The following CTNNA2 variants were observed in gnomAD, a reference collection of about 807,000 sequenced individuals.
The protein encoded by CTNNA2 is catenin alpha-2.
CTNNA2 carries 42 observed loss-of-function variants against 101.0 expected under a neutral mutation model. That is an observed-to-expected ratio of 0.42 (90% CI 0.32 to 0.54). CTNNA2 has a LOEUF of 0.54. Ranked by LOEUF, CTNNA2 falls within the 20% of genes least tolerant of loss-of-function variation. CTNNA2 has a pLI of 0.14. For synonymous variants in CTNNA2, 450 were observed against 456.4 expected, an observed-to-expected ratio of 0.99 and a Z score of 0.18; for missense variants, 871 against 1,223.1, an observed-to-expected ratio of 0.71 and a Z score of 4.29.
At chr2:80,185,304 C>T (rs991215231) in intron 7 of CTNNA2, among the ~76,000 whole-genome samples, 20 of 152,148 alleles carry the variant, frequency 1.3e-4, no homozygotes, top group African/African-American at 4.8e-4. Context: ...TCAGACTGAG[C>T]GAGTCAGAGG....
At chr2:79,394,040 G>GCA (rs1678202775) in intron 4 of CTNNA2, among the ~76,000 whole-genome samples, 1 of 152,004 alleles carries the variant, frequency 6.6e-6, no homozygotes, top group Non-Finnish European at 1.5e-5. Context: ...CTAGATACAG[G>GCA]CACACAGCTT....
At chr2:79,268,105 T>C (rs757510938) in intron 2 of CTNNA2, among the ~76,000 whole-genome samples, 3 of 152,124 alleles carry the variant, frequency 2.0e-5, no homozygotes, top group Non-Finnish European at 4.4e-5. Flanking sequence ...GGCTGTCCCC[T>C]GTAGGCAGGG....
intron 7 of CTNNA2, among the ~76,000 whole-genome samples, chr2:80,293,713 CG>C: frequency 6.6e-6 from 1 of 152,250 alleles, no homozygotes; most frequent in African/African-American, 2.4e-5. Flanking sequence ...ACCACTCCAC[CG>C]ATCAGTGTCC....
rs148250049 is a variant in CTNNA2, at chr2:80,261,507, T to A, written c.1057-131704T>A. Among the ~76,000 whole-genome samples the A allele has an allele frequency of 1.4e-3, 213 of 152,256 alleles. 1 individual carries two copies. Among genetic ancestry groups the A allele is most frequent in the African/African-American group, 4.9e-3 (202 of 41,554 alleles). On this transcript the variant is annotated intron_variant, in intron 7 of 18. Coordinates refer to ENST00000402739, the MANE Select transcript of CTNNA2 (RefSeq NM_001282597.3). ...GTTTGTAGCTATCTTGAGCTATTTC[T>A]ATGTAATAGGAGAGGCGGGTTTCAC...
intron 7 of CTNNA2, among the ~76,000 whole-genome samples, chr2:80,287,944 GA>G (rs1272424846): frequency 3.3e-5 from 5 of 152,134 alleles, no homozygotes; most frequent in Non-Finnish European, 5.9e-5. Context: ...TCTTATTTGC[GA>G]ATACAGATAT....
At chr2:80,118,795 C>T (rs1327425905) in intron 7 of CTNNA2, among the ~76,000 whole-genome samples, 1 of 152,194 alleles carries the variant, frequency 6.6e-6, no homozygotes, top group African/African-American at 2.4e-5. Flanking sequence ...GGCAGAAAGG[C>T]CTGTAGGGGC....
At chr2:79,599,621 T>C (rs186303939) in intron 1 of CTNNA2, among the ~76,000 whole-genome samples, 1 of 152,278 alleles carries the variant, frequency 6.6e-6, no homozygotes, top group Admixed American at 6.5e-5. Context: ...TTAATAAAAT[T>C]GGAGTAGTAT....
At chr2:79,236,847 T>C (rs1423878084) in intron 2 of CTNNA2, among the ~76,000 whole-genome samples, 1 of 152,218 alleles carries the variant, frequency 6.6e-6, no homozygotes, top group African/African-American at 2.4e-5. Flanking sequence ...CAGGCTCCAT[T>C]TTTAATTATA....
At chr2:80,331,025 T>G (rs966354686) in intron 7 of CTNNA2, among the ~76,000 whole-genome samples, 67 of 141,742 alleles carry the variant, frequency 4.7e-4, no homozygotes, top group East Asian at 1.4e-3. Flanking sequence ...CTGTATGTTT[T>G]TTTTTTTTTT....
At chr2:79,524,534 AACACACACACACATAC>A (rs1672293875) in intron 1 of CTNNA2, 1 of 150,692 alleles carries the variant, frequency 6.6e-6, no homozygotes, top group Non-Finnish European at 1.5e-5. Context: ...AATACACACA[AACACACACACACATAC>A]ACACACACAC....
intron 8 of CTNNA2, among the ~76,000 whole-genome samples, chr2:80,414,726 A>G (rs1368207597): frequency 2.0e-5 from 3 of 152,158 alleles, no homozygotes; most frequent in African/African-American, 7.2e-5. Context: ...GTGCCTTAAC[A>G]TTTCTGAATT....
intron 7 of CTNNA2, among the ~76,000 whole-genome samples, chr2:80,222,915 G>A (rs1290280564): frequency 6.6e-6 from 1 of 152,102 alleles, no homozygotes; most frequent in South Asian, 2.1e-4. Flanking sequence ...GAATGAGATT[G>A]TGGTTTCTTT....
intron 3 of CTNNA2, among the ~76,000 whole-genome samples, chr2:79,748,605 TTTTG>T (rs978890489): frequency 2.1e-4 from 32 of 152,194 alleles, no homozygotes; most frequent in African/African-American, 7.2e-4. Context: ...TATAGAACTG[TTTTG>T]TTTTTCTTTT....
chr2:80,368,683 C>A (rs74631400), intron 7 of CTNNA2, among the ~76,000 whole-genome samples: 4,600 of 151,148 alleles, frequency 0.03, 249 homozygotes, highest in African/African-American at 0.11. Context: ...CCTTTTGTGA[C>A]AGCAAACTCC....
chr2:79,319,014 G>T (rs917497666), intron 3 of CTNNA2, among the ~76,000 whole-genome samples: 25 of 152,164 alleles, frequency 1.6e-4, no homozygotes, highest in Non-Finnish European at 2.9e-5. Context: ...GACGGCTGAG[G>T]CTAGTACTAA....
chr2:79,853,185 G>T (rs1043263686), intron 3 of CTNNA2, among the ~76,000 whole-genome samples: 22 of 141,318 alleles, frequency 1.6e-4, no homozygotes, highest in African/African-American at 4.9e-4. Flanking sequence ...TTTGAGACAG[G>T]TCTCACTCAG....
chr2:79,956,490 A>G (rs373184245), intron 7 of CTNNA2, among the ~76,000 whole-genome samples: 4 of 152,172 alleles, frequency 2.6e-5, no homozygotes, highest in East Asian at 3.9e-4. Flanking sequence ...TCCTTTATCA[A>G]TATAAAGTAT....
intron 2 of CTNNA2, among the ~76,000 whole-genome samples, chr2:79,294,271 G>A (rs949255401): frequency 6.6e-6 from 1 of 151,866 alleles, no homozygotes; most frequent in African/African-American, 2.4e-5. Flanking sequence ...AGAAGTTGGA[G>A]GAGGAGACAA....
chr2:79,578,682 A>G (rs1213342419), intron 1 of CTNNA2, among the ~76,000 whole-genome samples: 2 of 152,060 alleles, frequency 1.3e-5, no homozygotes, highest in African/African-American at 2.4e-5. Flanking sequence ...TTGGCTTTCT[A>G]TATAGCACAG....
Sources: gnomAD v4.1 joint callset for allele counts (sites outside exome capture counted in the v4.1 genomes callset) on GRCh38, gnomAD v4.1.1 for gene constraint, MANE v1.5 for transcripts, NCBI Gene and HGNC (gene_info 2026-07-23, HGNC 2026-07-21) for gene names.